ELP4: variants seen among roughly 807,000 people sequenced by gnomAD.
ELP4 encodes the protein elongator acetyltransferase complex subunit 4, also known as elongator complex protein 4.
Under a neutral mutation model 48.9 loss-of-function variants are expected in ELP4, and 51 were observed. The ratio of observed to expected loss-of-function variants is 1.04; its 90% CI spans 0.83 to 1.32. ELP4 has a LOEUF of 1.32. Ranked by LOEUF, ELP4 falls within the 40% of genes most tolerant of loss-of-function variation. ELP4 has a pLI of 0.00. For missense variants in ELP4, 519 were observed against 514.6 expected (o/e 1.01, Z -0.08); for synonymous variants, 210 against 189.2 (o/e 1.11, Z -0.90).
chr11:31,763,534 A>C, intron 9 of ELP4: 2 of 1,609,510 alleles, frequency 1.2e-6, no homozygotes, highest in Non-Finnish European at 1.7e-6. Flanking sequence ...ATTTTTAATG[A>C]GCTTCCTTGC....
In ELP4 at chr11:31,685,958, A is replaced by G. The variant is rs188178828; in HGVS notation, c.1143+35737A>G. The stretch of plus-strand genomic sequence containing the variant: ...AAAAAAAAAAAAAAATCTTTCCTAT[A>G]TATTGTTAAATGATTATAGCACATT... On this transcript the variant is annotated intron_variant, in intron 9 of 9. Coordinates refer to ENST00000640961, the MANE Select transcript of ELP4 (RefSeq NM_019040.5). 2.1e-3 allele frequency among the ~76,000 whole-genome samples: 326 copies of G among 151,854 alleles called. 1 individual carries two copies. The highest frequency in any genetic ancestry group is 7.0e-3 in the African/African-American group (290 of 41,430).
chr11:31,733,125 A>G (rs779532982), intron 9 of ELP4, among the ~76,000 whole-genome samples: 2 of 152,180 alleles, frequency 1.3e-5, no homozygotes, highest in Non-Finnish European at 2.9e-5. Context: ...TCATGCACAC[A>G]TAGGACATTC....
In ELP4 at chr11:31,603,826, C is replaced by A. The variant is rs201699595; in HGVS notation, c.572C>A (p.Pro191Gln). ...TATTATGATGCATCAAAAAGAATGC[C>A]ACAAGAACTAATTGAGGCTTCAAAT... ...GHYYDASKRMPQELIEASNWH... is the reference protein window; with the variant it reads ...GHYYDASKRMQQELIEASNWH... The change falls in exon 5 of 10, where the codon CCA becomes CAA. Residue 191 changes from proline (P) to glutamine (Q), a missense_variant. Physicochemically the swap from Pro to Gln is moderately conservative, Grantham distance 76. Transcript: ENST00000640961. 3.5e-3 allele frequency: 5,682 copies of A among 1,611,180 alleles called. 10 individuals are homozygous for A. The highest frequency in any genetic ancestry group is 4.4e-3 in the Non-Finnish European group (5,214 of 1,178,116).
chr11:31,571,560 A>G (rs1957193745), intron 3 of ELP4, among the ~76,000 whole-genome samples: 1 of 152,222 alleles, frequency 6.6e-6, no homozygotes, highest in East Asian at 1.9e-4. Context: ...TAGAATAGTA[A>G]ATCTTCCCAG....
intron 9 of ELP4, among the ~76,000 whole-genome samples, chr11:31,749,292 CA>C: frequency 6.6e-6 from 1 of 152,256 alleles, no homozygotes; most frequent in Non-Finnish European, 1.5e-5. Flanking sequence ...TTTATGAAAG[CA>C]TCAGAAAACT....
intron 3 of ELP4, among the ~76,000 whole-genome samples, chr11:31,588,811 G>A (rs540014528): frequency 5.3e-5 from 8 of 152,036 alleles, no homozygotes; most frequent in East Asian, 3.9e-4. Flanking sequence ...GGTAAAATCC[G>A]ATGTCTACTA....
chr11:31,545,586 C>G (rs575489229), intron 3 of ELP4, among the ~76,000 whole-genome samples: 2 of 152,146 alleles, frequency 1.3e-5, no homozygotes, highest in African/African-American at 4.8e-5. Context: ...GAGAACTTCC[C>G]CAGTATAGCA....
At chr11:31,593,841 A>T (rs911322968) in intron 3 of ELP4, among the ~76,000 whole-genome samples, 1 of 152,344 alleles carries the variant, frequency 6.6e-6, no homozygotes, top group Admixed American at 6.5e-5. Context: ...TAAAATGTGA[A>T]TTCACTTTGA....
chr11:31,789,616 A>G lies in ELP4; in HGVS notation c.*6092A>G. On this transcript the variant is annotated 3_prime_UTR_variant, in exon 10 of 10. Transcript: ENST00000640961. Reference sequence around the variant, plus strand: ...ACAACTTCATGACCAACACAGATCAAACATCCATCCAGTCTACATTGTTCT... The same window carrying G: ...ACAACTTCATGACCAACACAGATCAGACATCCATCCAGTCTACATTGTTCT... The G allele has an allele frequency of 1.5e-6, 1 of 662,228 alleles. No individual in the cohort carries two copies. The highest frequency in any genetic ancestry group is 2.7e-6 in the Non-Finnish European group (1 of 369,606). The allele number at this position is 662,228 out of a possible 1,614,324, so 41.0% of individuals were successfully genotyped here. A position where few individuals can be genotyped will look rare whatever the true frequency, so the allele number is the denominator to read the frequency against.
Position 31,539,658 on chromosome 11 carries a change from A to G in ELP4, c.260-4A>G. On this transcript the variant is annotated splice_polypyrimidine_tract_variant and splice_region_variant and intron_variant, in intron 2 of 9. Coordinates refer to ENST00000640961, the MANE Select transcript of ELP4 (RefSeq NM_019040.5). Reference sequence around the variant, plus strand: ...TTTCTAACTGCAACTTTTCCTTTTTACAGAGGAGGATAAATATAATATTTA... The same window carrying G: ...TTTCTAACTGCAACTTTTCCTTTTTGCAGAGGAGGATAAATATAATATTTA... 6.3e-7 allele frequency: 1 copy of G among 1,597,556 alleles called. No individual in the cohort carries two copies. Among genetic ancestry groups the G allele is most frequent in the Non-Finnish European group, 8.5e-7 (1 of 1,173,572 alleles).
intron 3 of ELP4, among the ~76,000 whole-genome samples, chr11:31,549,825 A>G (rs1421655184): frequency 1.3e-5 from 2 of 152,252 alleles, no homozygotes; most frequent in Non-Finnish European, 2.9e-5. Flanking sequence ...TGATGAGTTC[A>G]TGTCCTTTGT....
chr11:31,776,108 G>T (rs998175969), intron 9 of ELP4, among the ~76,000 whole-genome samples: 1 of 142,272 alleles, frequency 7.0e-6, no homozygotes, highest in African/African-American at 2.6e-5. Context: ...CTGTGATTGC[G>T]CCAGTGTACA....
intron 3 of ELP4, among the ~76,000 whole-genome samples, chr11:31,577,512 T>C (rs2133966134): frequency 6.6e-6 from 1 of 152,072 alleles, no homozygotes; most frequent in East Asian, 1.9e-4. Flanking sequence ...TTTAGACCAA[T>C]ATCCCTGATG....
chr11:31,640,750 A>G (rs962921591), intron 7 of ELP4, among the ~76,000 whole-genome samples: 1 of 151,970 alleles, frequency 6.6e-6, no homozygotes, highest in Non-Finnish European at 1.5e-5. Context: ...GAAAGCTTCC[A>G]AAGAGTTGTT....
intron 9 of ELP4, chr11:31,780,880 A>T (rs1423558574): frequency 6.6e-6 from 1 of 152,256 alleles, no homozygotes; most frequent in Non-Finnish European, 1.5e-5. Context: ...TCGTAAAGAT[A>T]TATTGGTTCT....
chr11:31,662,344 A>G (rs1188776188), intron 9 of ELP4, among the ~76,000 whole-genome samples: 2 of 152,152 alleles, frequency 1.3e-5, no homozygotes, highest in Non-Finnish European at 2.9e-5. Flanking sequence ...TTTTGTCCAC[A>G]TAAAAGTGGG....
intron 9 of ELP4, among the ~76,000 whole-genome samples, chr11:31,678,564 C>T (rs1945987268): frequency 6.9e-6 from 1 of 145,600 alleles, no homozygotes; most frequent in South Asian, 2.1e-4. Flanking sequence ...TTATGTTCTC[C>T]TATGTCTTTC....
chr11:31,728,027 A>C (rs1273309881), intron 9 of ELP4: 9 of 152,190 alleles, frequency 5.9e-5, no homozygotes, highest in African/African-American at 1.9e-4. Context: ...ATCAAGCATG[A>C]AATACTGCCA....
intron 5 of ELP4, among the ~76,000 whole-genome samples, chr11:31,621,754 A>G (rs907682386): frequency 1.1e-4 from 16 of 151,872 alleles, no homozygotes; most frequent in African/African-American, 3.6e-4. Context: ...TCCTAAAACT[A>G]TGCACCTGAA....
Sources: allele counts gnomAD v4.1 joint callset (sites outside exome capture counted in the v4.1 genomes callset), GRCh38; gene constraint gnomAD v4.1.1; transcripts MANE v1.5; gene names NCBI Gene and HGNC (gene_info 2026-07-23, HGNC 2026-07-21).